DCAF10: variants seen among roughly 807,000 people sequenced by gnomAD.
The protein encoded by DCAF10 is DDB1 and CUL4 associated factor 10.
A neutral mutation model predicts 51.9 loss-of-function variants in DCAF10; 19 were observed. That is an observed-to-expected ratio of 0.37 (90% confidence interval 0.26 to 0.54). DCAF10 has a LOEUF of 0.54. Among genes scored for constraint, DCAF10 ranks in the 20% least tolerant of loss-of-function variants. DCAF10 has a pLI of 0.87. For synonymous variants in DCAF10, 291 were observed against 297.1 expected (o/e 0.98, Z 0.21); for missense variants, 510 against 730.6 (o/e 0.70, Z 3.48).
At chr9:37,842,822 T>G (rs1453063567) in intron 3 of DCAF10, among the ~76,000 whole-genome samples, 1 of 152,226 alleles carries the variant, frequency 6.6e-6, no homozygotes, top group Non-Finnish European at 1.5e-5. Context: ...CAGGTCAGTG[T>G]GCACAGTGGA....
At chr9:37,800,598 C>T, upstream of DCAF10, 1 of 1,536,138 alleles carries the variant, frequency 6.5e-7, no homozygotes, top group Non-Finnish European at 8.7e-7. Flanking sequence ...CAACTACAGA[C>T]CGACTCTGCC....
In DCAF10 at chr9:37,800,848, G is replaced by C. The variant is rs1002376597; in HGVS notation, c.-19G>C. 6.1e-6 allele frequency: 9 copies of C among 1,485,112 alleles called. No individual in the cohort carries two copies. The highest frequency in any genetic ancestry group is 2.7e-5 in the South Asian group (2 of 75,106). 92.0% of individuals were successfully genotyped at this position (1,485,112 alleles called of 1,614,324 possible). On this transcript the variant is annotated 5_prime_UTR_variant, in exon 1 of 7. Transcript: ENST00000377724. ...GCCGGCGGGGCAGTGGCCCGGAGCG[G>C]GGGGCGGGGGCGTTGATCATGTTTC...
At chr9:37,851,561 G>A (rs1429906453) in intron 3 of DCAF10, among the ~76,000 whole-genome samples, 3 of 151,034 alleles carry the variant, frequency 2.0e-5, no homozygotes, top group African/African-American at 4.8e-5. Context: ...TTGGGAGGCC[G>A]AGGCGGGTGG....
chr9:37,846,383 A>G (rs939098053), intron 3 of DCAF10, among the ~76,000 whole-genome samples: 13 of 152,224 alleles, frequency 8.5e-5, no homozygotes, highest in African/African-American at 2.4e-4. Flanking sequence ...CTTTATGGCA[A>G]CAAATTAGGC....
chr9:37,811,247 G>A (rs1829338377), intron 1 of DCAF10, among the ~76,000 whole-genome samples: 1 of 152,102 alleles, frequency 6.6e-6, no homozygotes, highest in Non-Finnish European at 1.5e-5. Context: ...TGGGAGGATT[G>A]TTTAAGCCCA....
chr9:37,816,659 G>GGGTGTGTGTGTGTGTGTGTGTGT (rs372664140), intron 1 of DCAF10, among the ~76,000 whole-genome samples: 1 of 144,890 alleles, frequency 6.9e-6, no homozygotes, highest in African/African-American at 2.5e-5. Flanking sequence ...CTGCACCTGG[G>GGGTGTGTGTGTGTGTGTGTGTGT]GTGTGTGTGT....
intron 1 of DCAF10, among the ~76,000 whole-genome samples, chr9:37,814,046 G>A (rs1381188182): frequency 4.3e-5 from 6 of 139,506 alleles, no homozygotes; most frequent in Non-Finnish European, 9.2e-5. Context: ...ATAGAGATCA[G>A]AGTGCAATTG....
chr9:37,859,226 A>G (rs1168988430), intron 5 of DCAF10, among the ~76,000 whole-genome samples: 1 of 152,228 alleles, frequency 6.6e-6, no homozygotes, highest in African/African-American at 2.4e-5. Flanking sequence ...AGCAATTCAC[A>G]AAGGATCTGA....
At chr9:37,852,930 T>TTATATATATATATATATATATA (rs59469290) in intron 3 of DCAF10, among the ~76,000 whole-genome samples, 4 of 109,816 alleles carry the variant, frequency 3.6e-5, no homozygotes, top group Non-Finnish European at 5.5e-5. Context: ...GTATGTGAGG[T>TTATATATATATATATATATATA]TATATATATA....
intron 1 of DCAF10, among the ~76,000 whole-genome samples, chr9:37,817,602 A>G (rs1273115475): frequency 2.6e-5 from 3 of 115,990 alleles, no homozygotes; most frequent in African/African-American, 8.4e-5. Flanking sequence ...CGTCTCAGAA[A>G]AAAAGAATCT....
intron 2 of DCAF10, among the ~76,000 whole-genome samples, chr9:37,828,734 T>C (rs1829924627): frequency 6.6e-6 from 1 of 152,144 alleles, no homozygotes; most frequent in Non-Finnish European, 1.5e-5. Flanking sequence ...TTGTATATGA[T>C]AGCAGGGGCA....
rs1564059089 is a variant in DCAF10, at chr9:37,866,696, T to TAACCTTCTAGATAATAGAAACTCC, written c.*5189_*5212dup. The TAACCTTCTAGATAATAGAAACTCC allele has an allele frequency of 6.6e-6, 1 of 152,662 alleles. No homozygotes were observed. The highest frequency in any genetic ancestry group is 1.9e-4 in the East Asian group (1 of 5,206). The allele number at this position is 152,662 out of a possible 1,614,324, so 9.5% of individuals were successfully genotyped here. On this transcript the variant is annotated 3_prime_UTR_variant, in exon 7 of 7. Coordinates refer to ENST00000377724, the MANE Select transcript of DCAF10 (RefSeq NM_024345.5). ...TTCCACTTTTCTGAAAGGTTCACAG[T>TAACCTTCTAGATAATAGAAACTCC]AACCTTCTAGATAATAGAAACTCCC...
At position 37,814,400 on chromosome 9, in the gene DCAF10, G is replaced by A. The variant is rs1340554938; in HGVS notation, c.540-4888G>A. The stretch of plus-strand genomic sequence containing the variant: ...CCTGACCTTGTGATCCGCCCGCCTC[G>A]GCCTCCTAAAGTGCTGGGGTTACAG... On this transcript the variant is annotated intron_variant, in intron 1 of 6. Transcript: ENST00000377724. Among the ~76,000 whole-genome samples the A allele has an allele frequency of 2.8e-5, 4 of 142,932 alleles. No homozygotes were observed. The East Asian group carries it at 8.4e-4, about 30-fold the overall frequency. The allele number at this position is 142,932 out of a possible 152,430, so 93.8% of individuals were successfully genotyped here. A position where few individuals can be genotyped will look rare whatever the true frequency, so the allele number is the denominator to read the frequency against.
At chr9:37,817,057 A>C (rs1829561890) in intron 1 of DCAF10, among the ~76,000 whole-genome samples, 2 of 152,250 alleles carry the variant, frequency 1.3e-5, no homozygotes. Context: ...ATAGAATACC[A>C]ATATACAGTC....
Position 37,801,097 on chromosome 9 carries a change from G to T in DCAF10, c.231G>T (p.Pro77=). The part of the protein sequence containing the change: ...RSGELGLPGA[P]ESSTASAPGE... Reference sequence around the variant, plus strand: ...GAGAGCTAGGGCTGCCTGGAGCTCCGGAGTCCTCAACTGCCTCCGCCCCGG... The same window carrying T: ...GAGAGCTAGGGCTGCCTGGAGCTCCTGAGTCCTCAACTGCCTCCGCCCCGG... Residue 77 remains proline (P), a synonymous_variant, in exon 1 of 7, where the codon CCG becomes CCT. Transcript: ENST00000377724. The surrounding 1 kb of genome is among the most constrained non-coding windows in gnomAD (Gnocchi z 5.5). 1 of 1,535,240 alleles carries T rather than the reference G, an allele frequency of 6.5e-7. No homozygotes were observed. Among genetic ancestry groups the T allele is most frequent in the East Asian group, 2.5e-5 (1 of 39,400 alleles).
Position 37,801,878 on chromosome 9 carries a change from A to C in DCAF10, c.539+473A>C, listed in dbSNP as rs898815883. On this transcript the variant is annotated intron_variant, in intron 1 of 6. Transcript: ENST00000377724. This position sits in a 1 kb window ranked among gnomAD's most constrained non-coding sequence, Gnocchi z 5.5. Reference sequence around the variant, plus strand: ...ATGGGGCAAGTGCGTTCCTTTGCTCAAGGAAGATACAGTACTAAGACACTG... The same window carrying C: ...ATGGGGCAAGTGCGTTCCTTTGCTCCAGGAAGATACAGTACTAAGACACTG... Among the ~76,000 whole-genome samples, 1 of 152,174 alleles carries C rather than the reference A, an allele frequency of 6.6e-6. No homozygotes were observed. The highest frequency in any genetic ancestry group is 6.5e-5 in the Admixed American group (1 of 15,282).
chr9:37,813,162 GC>G (rs1049312939), intron 1 of DCAF10, among the ~76,000 whole-genome samples: 36 of 152,234 alleles, frequency 2.4e-4, no homozygotes, highest in African/African-American at 8.7e-4. Flanking sequence ...GTTCATTGGT[GC>G]TGTCACAGCT....
At position 37,851,433 on chromosome 9, in the gene DCAF10, G is replaced by T. The variant is rs146115217; in HGVS notation, c.852-3347G>T. On this transcript the variant is annotated intron_variant, in intron 3 of 6. Coordinates refer to ENST00000377724, the MANE Select transcript of DCAF10 (RefSeq NM_024345.5). The stretch of plus-strand genomic sequence containing the variant: ...TGGCTCAAGTGATCGTCCCACCTCG[G>T]CCTCCCAAAGTGCTGGGATTACAGG... Among the ~76,000 whole-genome samples the T allele has an allele frequency of 9.5e-3, 1,447 of 151,714 alleles. 16 individuals carry two copies. The highest frequency in any genetic ancestry group is 0.031 in the Middle Eastern group (9 of 294).
intron 2 of DCAF10, among the ~76,000 whole-genome samples, chr9:37,828,954 A>T (rs902368304): frequency 3.3e-5 from 5 of 152,242 alleles, no homozygotes; most frequent in Non-Finnish European, 1.5e-5. Flanking sequence ...TTTTTTAGAT[A>T]CAAAAAGCAT....
Sources: gnomAD v4.1 joint callset for allele counts (sites outside exome capture counted in the v4.1 genomes callset) on GRCh38, gnomAD v4.1.1 for gene constraint, Gnocchi (gnomAD v3.1) non-coding constraint, MANE v1.5 for transcripts, NCBI Gene and HGNC (gene_info 2026-07-23, HGNC 2026-07-21) for gene names.